Variants in DNAH6 observed in about 807,000 individuals in gnomAD.
The protein encoded by DNAH6 is axonemal beta dynein heavy chain 6.
A neutral mutation model predicts 491.4 loss-of-function variants in DNAH6; 340 were observed. That is an observed-to-expected ratio of 0.69 (90% CI 0.63 to 0.76). The LOEUF (loss-of-function observed/expected upper bound fraction) is 0.76, where lower values mean the gene tolerates loss of function less well. DNAH6 is among the 30% of genes least tolerant of loss of function. The pLI is 0.00. For synonymous variants in DNAH6, 1,603 were observed against 1,686.1 expected (o/e 0.95, Z 1.21); for missense variants, 4,443 against 4,972.2 (o/e 0.89, Z 3.20).
chr2:84,741,173 TC>T (rs1672494596), intron 62 of DNAH6, among the ~76,000 whole-genome samples: 1 of 152,064 alleles, frequency 6.6e-6, no homozygotes, highest in African/African-American at 2.4e-5. Flanking sequence ...AGAGCCTTGG[TC>T]CCCTTTCCCT....
the DNAH6 span, among the ~76,000 whole-genome samples, chr2:84,474,933 G>A: frequency 1.3e-5 from 2 of 152,132 alleles, no homozygotes; most frequent in East Asian, 3.8e-4. Context: ...CGTTCCTGTT[G>A]GATTAGTACT....
intron 4 of DNAH6, among the ~76,000 whole-genome samples, chr2:84,532,639 A>G (rs376815576): frequency 9.9e-5 from 15 of 152,264 alleles, no homozygotes; most frequent in African/African-American, 3.6e-4. Context: ...TAGAGCAATA[A>G]TCTATCTCTC....
At chr2:84,732,092 G>T (rs1699167762) in intron 61 of DNAH6, among the ~76,000 whole-genome samples, 1 of 152,060 alleles carries the variant, frequency 6.6e-6, no homozygotes, top group Non-Finnish European at 1.5e-5. Context: ...CTGTGCAGGG[G>T]GTGTGGGGAG....
chr2:84,507,745 A>G, the DNAH6 span, among the ~76,000 whole-genome samples: 1 of 152,226 alleles, frequency 6.6e-6, no homozygotes, highest in Non-Finnish European at 1.5e-5. Flanking sequence ...CGTCCCATCA[A>G]TACCTAATTT....
At chr2:84,597,465 T>A (rs1033634740) in intron 18 of DNAH6, among the ~76,000 whole-genome samples, 1 of 152,184 alleles carries the variant, frequency 6.6e-6, no homozygotes, top group Non-Finnish European at 1.5e-5. Context: ...GAATAAGTGT[T>A]GTAGGGAATA....
At chr2:84,698,775 C>G (rs1047540849) in intron 47 of DNAH6, among the ~76,000 whole-genome samples, 1 of 152,118 alleles carries the variant, frequency 6.6e-6, no homozygotes, top group South Asian at 2.1e-4. Context: ...AGCAAAGACA[C>G]GGAACCAACT....
At chr2:84,523,463 G>C (rs1363862603) in intron 2 of DNAH6, among the ~76,000 whole-genome samples, 1 of 151,556 alleles carries the variant, frequency 6.6e-6, no homozygotes, top group Non-Finnish European at 1.5e-5. Flanking sequence ...CTTCAGTTCT[G>C]CTCTGATTTT....
chr2:84,765,749 T>C (rs1165103289), intron 64 of DNAH6, among the ~76,000 whole-genome samples: 1 of 152,030 alleles, frequency 6.6e-6, no homozygotes, highest in African/African-American at 2.4e-5. Flanking sequence ...GGTATAAATA[T>C]CTCACCTAAG....
chr2:84,770,808 C>A (rs964780462), intron 64 of DNAH6, among the ~76,000 whole-genome samples: 6 of 150,030 alleles, frequency 4.0e-5, no homozygotes, highest in African/African-American at 1.5e-4. Flanking sequence ...CAAGGTAAGA[C>A]CCTGCCTCTA....
chr2:84,804,564 T>A (rs1025059490), intron 70 of DNAH6, among the ~76,000 whole-genome samples: 3 of 152,010 alleles, frequency 2.0e-5, no homozygotes, highest in Non-Finnish European at 4.4e-5. Flanking sequence ...TTTATTTATA[T>A]TTTTCTACCT....
chr2:84,538,465 T>C lies in DNAH6; in HGVS notation c.663-5768T>C, dbSNP rs1279966592. 3.3e-5 allele frequency among the ~76,000 whole-genome samples: 5 copies of C among 152,160 alleles called. No homozygotes were observed. The East Asian group carries it at 9.6e-4, about 29-fold the overall frequency. On this transcript the variant is annotated intron_variant, in intron 4 of 76. Transcript: ENST00000389394. ...AAAGCTATTAAAATCTAACAGATAG[T>C]TCAGATTGTATGGCGGAGCCTTCCC...
At chr2:84,644,857 T>G (rs1035535843) in intron 33 of DNAH6, among the ~76,000 whole-genome samples, 3 of 152,196 alleles carry the variant, frequency 2.0e-5, no homozygotes, top group Non-Finnish European at 2.9e-5. Flanking sequence ...GGCTTTTAGG[T>G]TGGTTACACG....
At chr2:84,567,442 G>C (rs1223585003) in intron 11 of DNAH6, among the ~76,000 whole-genome samples, 1 of 152,086 alleles carries the variant, frequency 6.6e-6, no homozygotes, top group Admixed American at 6.6e-5. Flanking sequence ...CATGGTGCTG[G>C]TACAAAAACA....
intron 63 of DNAH6, among the ~76,000 whole-genome samples, chr2:84,752,308 CT>C (rs1452303658): frequency 6.6e-6 from 1 of 152,184 alleles, no homozygotes; most frequent in East Asian, 1.9e-4. Context: ...CCAAAAGAGT[CT>C]CGTTGATGCT....
Position 84,571,225 on chromosome 2 carries a change from C to T in DNAH6, c.1804-2242C>T, listed in dbSNP as rs550020403. Among the ~76,000 whole-genome samples the T allele has an allele frequency of 9.9e-5, 15 of 152,218 alleles. No individual in the cohort carries two copies. The South Asian group carries it at 3.1e-3, about 32-fold the overall frequency. On this transcript the variant is annotated intron_variant, in intron 11 of 76. Coordinates refer to ENST00000389394, the MANE Select transcript of DNAH6 (RefSeq NM_001370.2). Reference sequence around the variant, plus strand: ...AGAAAGAAAACACAATTAGAAAATTCACTACAGAAGCCATCAGCAATCACC... The same window carrying T: ...AGAAAGAAAACACAATTAGAAAATTTACTACAGAAGCCATCAGCAATCACC...
At chr2:84,581,077 C>A (rs1682978494) in intron 14 of DNAH6, among the ~76,000 whole-genome samples, 1 of 152,210 alleles carries the variant, frequency 6.6e-6, no homozygotes, top group South Asian at 2.1e-4. Flanking sequence ...AAGAGATAAT[C>A]TCTCTTTTTC....
At chr2:84,653,282 C>A in intron 33 of DNAH6, 37 bp from the exon 34 acceptor site, 2 of 1,400,942 alleles carry the variant, frequency 1.4e-6, no homozygotes, top group Non-Finnish European at 1.9e-6. Context: ...TATCAATGAC[C>A]AGTTGTTCCT....
intron 12 of DNAH6, 103 bp downstream of exon 12, chr2:84,573,690 C>T: frequency 4.0e-6 from 4 of 1,010,438 alleles, no homozygotes; most frequent in Admixed American, 3.0e-5. Flanking sequence ...AAATGGTAGC[C>T]CAAAAGAGTT....
chr2:84,640,449 G>A lies in DNAH6; in HGVS notation c.4841G>A (p.Gly1614Glu). Residue 1614 changes from glycine (G) to glutamate (E), a missense_variant, in exon 32 of 77, where the codon GGA (glycine) becomes GAA (glutamate). Physicochemically the swap from Gly to Glu is moderately conservative, Grantham distance 98. Transcript: ENST00000389394. ...TTCTAGGTAATTCTATATTCTGAAG[G>A]ATTTGAATCCAGTAAAATATTAGCA... Reference protein sequence around the residue: ...LIAEVILYSEGFESSKILARK... With the variant: ...LIAEVILYSEEFESSKILARK... The A allele has an allele frequency of 6.6e-7, 1 of 1,512,516 alleles. No homozygotes were observed. 93.7% of individuals were successfully genotyped at this position (1,512,516 alleles called of 1,614,324 possible).
Sources: allele counts gnomAD v4.1 joint callset (sites outside exome capture counted in the v4.1 genomes callset), GRCh38; gene constraint gnomAD v4.1.1; transcripts MANE v1.5; gene names NCBI Gene and HGNC (gene_info 2026-07-23, HGNC 2026-07-21).